Variants in DDX42 observed in about 807,000 individuals in gnomAD.
DDX42 encodes DEAD-box helicase 42.
DDX42 carries 22 observed loss-of-function variants against 101.5 expected under a neutral mutation model. That is an observed-to-expected ratio of 0.22 (90% CI 0.15 to 0.31). The LOEUF is 0.31. Ranked by LOEUF, DDX42 falls within the 10% of genes least tolerant of loss-of-function variation. The probability of loss-of-function intolerance (pLI) is 1.00; values close to 1 mark genes in which losing one functional copy is unlikely to be tolerated. For missense variants in DDX42, 849 were observed against 1,199.9 expected, an observed-to-expected ratio of 0.71 and a Z score of 4.32; for synonymous variants, 402 against 401.2, an observed-to-expected ratio of 1.00 and a Z score of -0.02.
intron 1 of DDX42, among the ~76,000 whole-genome samples, chr17:63,779,389 G>T (rs1000843281): frequency 6.6e-6 from 1 of 151,894 alleles, no homozygotes; most frequent in African/African-American, 2.4e-5. Flanking sequence ...TCAACCTCCC[G>T]AGTAGCTGGG....
chr17:63,818,533 C>A lies in DDX42; in HGVS notation c.*135C>A. On this transcript the variant is annotated 3_prime_UTR_variant, in exon 18 of 18. Transcript: ENST00000389924. ...TTAGTGGAGAGCTGGAGCTTGGAGACATTACCCCTTCATCAGAAGGAATTT... is the reference window on the plus strand; with the variant it reads ...TTAGTGGAGAGCTGGAGCTTGGAGAAATTACCCCTTCATCAGAAGGAATTT... 1 of 763,074 alleles carries A rather than the reference C, an allele frequency of 1.3e-6. No homozygotes were observed. The highest frequency in any genetic ancestry group is 2.0e-6 in the Non-Finnish European group (1 of 490,350). 47.3% of individuals were successfully genotyped at this position (763,074 alleles called of 1,614,324 possible). A position where few individuals can be genotyped will look rare whatever the true frequency, so the allele number is the denominator to read the frequency against.
intron 11 of DDX42, chr17:63,810,229 G>T: frequency 4.6e-6 from 1 of 218,846 alleles, no homozygotes; most frequent in Non-Finnish European, 8.7e-6. Flanking sequence ...GGGGTGATAG[G>T]CACCTACCCC....
chr17:63,803,562 C>T (rs1417453021), intron 6 of DDX42, among the ~76,000 whole-genome samples: 3 of 115,186 alleles, frequency 2.6e-5, no homozygotes, highest in African/African-American at 9.8e-5. Flanking sequence ...AGCAAGACTC[C>T]ATCTCAAAAA....
At chr17:63,776,729 G>A (rs928741352) in intron 1 of DDX42, among the ~76,000 whole-genome samples, 30 of 150,780 alleles carry the variant, frequency 2.0e-4, no homozygotes, top group African/African-American at 6.8e-4. Context: ...GCCTCCCAGA[G>A]TGCTGGGATT....
At position 63,813,326 on chromosome 17, in the gene DDX42, G is replaced by A; in HGVS notation, c.1774G>A (p.Ala592Thr). ...GCATAGGATTGGCCGCACAGGAAGA[G>A]CGGGTGAGAAAGGTGTGGCCTATAC... is the stretch of plus-strand genomic sequence containing the variant. Reference protein sequence around the residue: ...HTHRIGRTGRAGEKGVAYTLL... With the variant: ...HTHRIGRTGRTGEKGVAYTLL... The change falls in exon 15 of 18, where the codon GCG becomes ACG. Residue 592 changes from alanine to threonine, a missense_variant. Ala to Thr is a moderately conservative substitution (Grantham distance 58). Around this residue, in one of 5 missense-constraint regions of DDX42, gnomAD observed 86 missense variants for 160.8 expected, o/e 0.53. Coordinates refer to ENST00000389924, the MANE Select transcript of DDX42 (RefSeq NM_203499.3). 1 of 1,614,234 alleles carries A rather than the reference G, an allele frequency of 6.2e-7. No individual in the cohort carries two copies. Among genetic ancestry groups the A allele is most frequent in the Non-Finnish European group, 8.5e-7 (1 of 1,180,038 alleles).
intron 1 of DDX42, among the ~76,000 whole-genome samples, chr17:63,785,431 C>T (rs542521984): frequency 6.6e-6 from 1 of 151,816 alleles, no homozygotes; most frequent in East Asian, 1.9e-4. Flanking sequence ...GCCTGGGTGA[C>T]AGATCAAGGC....
chr17:63,791,828 G>T (rs984805732), intron 2 of DDX42, among the ~76,000 whole-genome samples: 1 of 151,984 alleles, frequency 6.6e-6, no homozygotes, highest in Non-Finnish European at 1.5e-5. Context: ...GGCAGATCAC[G>T]TAAGGTAAGG....
chr17:63,787,680 T>C (rs1176277557), intron 2 of DDX42, among the ~76,000 whole-genome samples: 3 of 151,808 alleles, frequency 2.0e-5, no homozygotes, highest in Non-Finnish European at 4.4e-5. Context: ...CTACTAAAAA[T>C]ACAAAACATT....
chr17:63,798,649 C>T (rs1240364877), intron 4 of DDX42, among the ~76,000 whole-genome samples: 1 of 152,058 alleles, frequency 6.6e-6, no homozygotes, highest in Non-Finnish European at 1.5e-5. Context: ...TATTTAGCTC[C>T]AGAGTGACAT....
intron 3 of DDX42, among the ~76,000 whole-genome samples, chr17:63,795,525 G>T (rs1598331168): frequency 1.2e-4 from 2 of 16,816 alleles, no homozygotes; most frequent in Admixed American, 9.8e-4. Context: ...CTAATTTTTA[G>T]AAAATATTTT....
chr17:63,795,191 GTC>G (rs1452583318), intron 3 of DDX42, among the ~76,000 whole-genome samples: 1 of 152,190 alleles, frequency 6.6e-6, no homozygotes, highest in Non-Finnish European at 1.5e-5. Flanking sequence ...AATATACTAA[GTC>G]TGTGTTTTTG....
At chr17:63,781,350 C>T (rs774896748) in intron 1 of DDX42, among the ~76,000 whole-genome samples, 24 of 152,024 alleles carry the variant, frequency 1.6e-4, no homozygotes, top group African/African-American at 2.2e-4. Flanking sequence ...CCTGAGTAGC[C>T]GGAACTACAG....
At chr17:63,778,943 G>A (rs2039454065) in intron 1 of DDX42, among the ~76,000 whole-genome samples, 1 of 152,014 alleles carries the variant, frequency 6.6e-6, no homozygotes, top group African/African-American at 2.4e-5. Context: ...AATAGTGGAG[G>A]TGGAGATGGA....
intron 1 of DDX42, chr17:63,776,078 A>G (rs1403272662): frequency 6.6e-6 from 1 of 152,244 alleles, no homozygotes; most frequent in African/African-American, 2.4e-5. Flanking sequence ...AAGTATATGT[A>G]GAGTAGATGC....
chr17:63,775,114 C>T (rs766981117), intron 1 of DDX42: 1 of 152,630 alleles, frequency 6.6e-6, no homozygotes, highest in Non-Finnish European at 1.5e-5. Flanking sequence ...CCAGGACTTC[C>T]TCAAGCGCAG....
intron 5 of DDX42, 86 bp from the exon 6 acceptor site, chr17:63,800,382 T>C: frequency 7.5e-7 from 1 of 1,325,688 alleles, no homozygotes; most frequent in South Asian, 1.4e-5. Flanking sequence ...TGTGCAATTA[T>C]CTGGTACACT....
At chr17:63,805,339 G>A (rs2039825813) in intron 7 of DDX42, 164 bp downstream of exon 7, 2 of 832,904 alleles carry the variant, frequency 2.4e-6, no homozygotes, top group African/African-American at 3.6e-5. Flanking sequence ...CTCTTAATTT[G>A]ATTGTTTTAG....
rs1028575289 is a variant in DDX42, at chr17:63,795,510, C to G, written c.373-2528C>G. ...AGGTGCACGGCACCACACCACCACA[C>G]TTGGCTAATTTTTAGAAAATATTTT... On this transcript the variant is annotated intron_variant, in intron 3 of 17. Transcript: ENST00000389924. 5.4e-4 allele frequency among the ~76,000 whole-genome samples: 43 copies of G among 79,622 alleles called. 1 individual carries two copies. Among genetic ancestry groups the G allele is most frequent in the Non-Finnish European group, 1.1e-4 (5 of 44,284 alleles). 52.2% of individuals were successfully genotyped at this position (79,622 alleles called of 152,430 possible). A position where few individuals can be genotyped will look rare whatever the true frequency, so the allele number is the denominator to read the frequency against.
rs139170584 is a variant in DDX42 at position 63,779,988 on chromosome 17, A to G, written c.-17+5612A>G. On this transcript the variant is annotated intron_variant, in intron 1 of 17. Coordinates refer to ENST00000389924, the MANE Select transcript of DDX42 (RefSeq NM_203499.3). ...TTGTCAAGGTTCAGTAACCATATAC[A>G]CTACATGGTTTAATAGTAGGAAAAA... is the stretch of plus-strand genomic sequence containing the variant. Among the ~76,000 whole-genome samples the G allele has an allele frequency of 8.1e-4, 124 of 152,290 alleles. 1 individual carries two copies. The highest frequency in any genetic ancestry group is 3.0e-3 in the African/African-American group (123 of 41,556).
Sources: allele counts gnomAD v4.1 joint callset (sites outside exome capture counted in the v4.1 genomes callset), GRCh38; gene constraint gnomAD v4.1.1; regional missense constraint gnomAD v4.1.1; transcripts MANE v1.5; gene names NCBI Gene and HGNC (gene_info 2026-07-23, HGNC 2026-07-21).